STOX2: variants seen among roughly 807,000 people sequenced by gnomAD.
STOX2 encodes storkhead-box protein 2.
In STOX2, 28 loss-of-function variants were observed where a neutral mutation model predicts 60.9. That is an observed-to-expected ratio of 0.46 (90% CI 0.34 to 0.63). The LOEUF (loss-of-function observed/expected upper bound fraction) is 0.63. Ranked by LOEUF, STOX2 falls within the 30% of genes least tolerant of loss-of-function variation. The probability of loss-of-function intolerance (pLI) is 0.01; values close to 1 mark genes in which losing one functional copy is unlikely to be tolerated. For missense variants in STOX2, 1,024 were observed against 1,187.7 expected (o/e 0.86, Z 2.03); for synonymous variants, 472 against 463.9 (o/e 1.02, Z -0.22).
chr4:183,980,684 T>G (rs1732629961), intron 1 of STOX2, among the ~76,000 whole-genome samples: 1 of 136,548 alleles, frequency 7.3e-6, no homozygotes, highest in East Asian at 2.1e-4. Flanking sequence ...GAATTTTTTT[T>G]CCTTCTTATT....
intron 1 of STOX2, among the ~76,000 whole-genome samples, chr4:183,973,665 C>T (rs1336290626): frequency 1.3e-5 from 2 of 152,120 alleles, no homozygotes; most frequent in African/African-American, 4.8e-5. Flanking sequence ...AGTAGTAATA[C>T]CTGAGTAAAT....
Position 184,009,856 on chromosome 4 carries a change from GA to G in STOX2, c.1022del (p.Lys341ArgfsTer96), listed in dbSNP as rs755933090. On this transcript the variant is annotated frameshift_variant, in exon 3 of 4. Coordinates refer to ENST00000308497, the MANE Select transcript of STOX2 (RefSeq NM_020225.3). LOFTEE classifies it high-confidence loss of function. The surrounding 1 kb of genome is among the most constrained non-coding windows in gnomAD (Gnocchi z 4.0). ...CGCGCTCATGAAGAAACTGGAAGAAGAAAAGGCCCAGAGGAGTAAAGCCGGG... is the reference window on the plus strand; with the variant it reads ...CGCGCTCATGAAGAAACTGGAAGAAGAAAGGCCCAGAGGAGTAAAGCCGGG... ...HTALMKKLEE[E>X]KAQRSKAGSS... The G allele has an allele frequency of 6.2e-7, 1 of 1,611,816 alleles. No homozygotes were observed. Among genetic ancestry groups the G allele is most frequent in the South Asian group, 1.1e-5 (1 of 90,588 alleles).
chr4:183,965,250 A>C (rs971453381), intron 1 of STOX2, among the ~76,000 whole-genome samples: 16 of 152,152 alleles, frequency 1.1e-4, no homozygotes, highest in Non-Finnish European at 4.4e-5. Context: ...TGGAGGTACC[A>C]TTTCCTTGCT....
At position 184,009,990 on chromosome 4, in the gene STOX2, C is replaced by T. The variant is rs116551327; in HGVS notation, c.1152C>T (p.Ser384=). ...CACGGGTGTCTAAAGGAGACCCTTCCGACGGTTCACATCTGGATATCCCAG... is the reference window on the plus strand; with the variant it reads ...CACGGGTGTCTAAAGGAGACCCTTCTGACGGTTCACATCTGGATATCCCAG... ...SKTRVSKGDP[S]DGSHLDIPAE... is the part of the protein sequence containing the mutation. Residue 384 remains serine (S), a synonymous_variant, in exon 3 of 4, where the codon TCC becomes TCT. Transcript: ENST00000308497. The surrounding 1 kb of genome is among the most constrained non-coding windows in gnomAD (Gnocchi z 4.0). 671 of 1,613,846 alleles carry T rather than the reference C, an allele frequency of 4.2e-4. 2 individuals carry two copies. The African/African-American group carries it at 7.7e-3, about 19-fold the overall frequency.
At position 183,865,468 on chromosome 4, in the gene STOX2, A is replaced by AT. The variant is rs1740542325; in HGVS notation, c.364+67417dup. Reference sequence around the variant, plus strand: ...CAGCATCTATGAATAAAAAGCCCGTATTTTCTCTAAATGAGCTTACGGTCT... The same window carrying AT: ...CAGCATCTATGAATAAAAAGCCCGTATTTTTCTCTAAATGAGCTTACGGTCT... On this transcript the variant is annotated intron_variant, in intron 1 of 2. Coordinates refer to the STOX2 transcript ENST00000513034. This position sits in a 1 kb window ranked among gnomAD's most constrained non-coding sequence, Gnocchi z 4.1. Among the ~76,000 whole-genome samples, 1 of 152,164 alleles carries AT rather than the reference A, an allele frequency of 6.6e-6. No individual in the cohort carries two copies. The highest frequency in any genetic ancestry group is 1.5e-5 in the Non-Finnish European group (1 of 68,026).
chr4:183,951,330 G>C (rs1231111885), intron 1 of STOX2, among the ~76,000 whole-genome samples: 5 of 151,970 alleles, frequency 3.3e-5, no homozygotes, highest in African/African-American at 1.2e-4. Flanking sequence ...GAAAGGATTT[G>C]GGATGACAGA....
chr4:183,964,612 CAG>C (rs1743507326), intron 1 of STOX2, among the ~76,000 whole-genome samples: 1 of 150,714 alleles, frequency 6.6e-6, no homozygotes, highest in Non-Finnish European at 1.5e-5. Context: ...CTTTTTGAGA[CAG>C]AGTGTTGCTC....
At chr4:183,967,247 A>G (rs1743601258) in intron 1 of STOX2, among the ~76,000 whole-genome samples, 1 of 152,118 alleles carries the variant, frequency 6.6e-6, no homozygotes, top group Non-Finnish European at 1.5e-5. Context: ...CTGTAATCCC[A>G]GCTACTCGGG....
intron 1 of STOX2, among the ~76,000 whole-genome samples, chr4:183,981,150 G>T (rs1396177609): frequency 6.6e-6 from 1 of 152,210 alleles, no homozygotes; most frequent in Non-Finnish European, 1.5e-5. Context: ...ACACTGGCAG[G>T]TTTATACATC....
chr4:183,859,684 A>C (rs1172215244), intron 1 of STOX2, among the ~76,000 whole-genome samples: 1 of 152,240 alleles, frequency 6.6e-6, no homozygotes, highest in Non-Finnish European at 1.5e-5. Flanking sequence ...CATGCAGGGA[A>C]CTTGTTGTTG....
rs1459657740 is a variant in STOX2 at position 183,906,748 on chromosome 4, G to A, written c.-43G>A. 6.1e-6 allele frequency: 9 copies of A among 1,473,618 alleles called. No homozygotes were observed. Among genetic ancestry groups the A allele is most frequent in the Non-Finnish European group, 8.1e-6 (9 of 1,106,264 alleles). 91.3% of individuals were successfully genotyped at this position (1,473,618 alleles called of 1,614,324 possible). On this transcript the variant is annotated 5_prime_UTR_variant, in exon 1 of 4. Coordinates refer to ENST00000308497, the MANE Select transcript of STOX2 (RefSeq NM_020225.3). Reference sequence around the variant, plus strand: ...ATGAAGGAGCGCGCTGCGCCCCGGCGCTGAGGCCCCGAGGATCGGGGCGGC... The same window carrying A: ...ATGAAGGAGCGCGCTGCGCCCCGGCACTGAGGCCCCGAGGATCGGGGCGGC...
intron 1 of STOX2, among the ~76,000 whole-genome samples, chr4:183,883,525 C>T (rs1415185204): frequency 6.6e-6 from 1 of 152,008 alleles, no homozygotes; most frequent in African/African-American, 2.4e-5. Context: ...ACCGTGTTAG[C>T]CAGGATGGTC....
At chr4:183,830,802 G>A (rs1242330131) in intron 1 of STOX2, among the ~76,000 whole-genome samples, 1 of 151,918 alleles carries the variant, frequency 6.6e-6, no homozygotes, top group Non-Finnish European at 1.5e-5. Flanking sequence ...ACTTGTTCCG[G>A]TTTCAGGGTC....
chr4:183,932,226 G>T (rs1465001553), intron 1 of STOX2, among the ~76,000 whole-genome samples: 1 of 152,036 alleles, frequency 6.6e-6, no homozygotes, highest in Admixed American at 6.5e-5. Flanking sequence ...GGTTGGGGAC[G>T]TTGATGAGTT....
intron 1 of STOX2, among the ~76,000 whole-genome samples, chr4:183,858,281 C>T (rs764707564): frequency 6.6e-5 from 10 of 152,212 alleles, no homozygotes; most frequent in Non-Finnish European, 1.5e-4. Context: ...GCTGCTGGCC[C>T]ATTCTTGACA....
intron 1 of STOX2, among the ~76,000 whole-genome samples, chr4:183,985,466 A>G (rs1230144076): frequency 5.9e-5 from 9 of 152,142 alleles, no homozygotes; most frequent in Non-Finnish European, 1.2e-4. Context: ...CAGCTCTGTG[A>G]GCTTCAGGAA....
intron 1 of STOX2, among the ~76,000 whole-genome samples, chr4:183,842,652 T>C (rs2111132561): frequency 6.6e-6 from 1 of 152,316 alleles, no homozygotes; most frequent in South Asian, 2.1e-4. Context: ...TCATACACCA[T>C]GTTGGCTGCC....
In STOX2 at chr4:183,882,093, C is replaced by T. The variant is rs116637074; in HGVS notation, c.364+84038C>T. On this transcript the variant is annotated intron_variant, in intron 1 of 2. Coordinates refer to the STOX2 transcript ENST00000513034. ...GACAGATACTAGGACTTCAGGTCTA[C>T]TGTACACTGATACCCAGCTCACTGT... Among the ~76,000 whole-genome samples the T allele has an allele frequency of 3.5e-3, 533 of 152,336 alleles. 2 individuals are homozygous for T. Among genetic ancestry groups the T allele is most frequent in the African/African-American group, 0.012 (508 of 41,568 alleles).
intron 1 of STOX2, among the ~76,000 whole-genome samples, chr4:183,854,958 G>A (rs1001429759): frequency 2.0e-5 from 3 of 152,098 alleles, no homozygotes; most frequent in African/African-American, 4.8e-5. Context: ...CTAGTGTCCC[G>A]AATATGAAAT....
Sources: allele counts gnomAD v4.1 joint callset (sites outside exome capture counted in the v4.1 genomes callset), GRCh38; gene constraint gnomAD v4.1.1; non-coding constraint Gnocchi (gnomAD v3.1); transcripts MANE v1.5; gene names NCBI Gene and HGNC (gene_info 2026-07-23, HGNC 2026-07-21).